The following PALS1 variants were observed in gnomAD, a reference collection of about 807,000 sequenced individuals.
PALS1 encodes protein associated with LIN7 1, MAGUK p55 family member.
A neutral mutation model predicts 78.9 loss-of-function variants in PALS1; 31 were observed. The observed-to-expected ratio is 0.39, with a 90% confidence interval of 0.30 to 0.53. PALS1 has a LOEUF of 0.53. Among genes scored for constraint, PALS1 ranks in the 20% least tolerant of loss-of-function variants. PALS1 has a pLI of 0.67. For synonymous variants in PALS1, 276 were observed against 270.9 expected (o/e 1.02, Z -0.18); for missense variants, 704 against 826.5 (o/e 0.85, Z 1.82).
In PALS1 at chr14:67,312,511, C is replaced by A; in HGVS notation, c.1042-16C>A. 1.3e-6 allele frequency: 2 copies of A among 1,492,064 alleles called. No homozygotes were observed. The highest frequency in any genetic ancestry group is 1.8e-6 in the Non-Finnish European group (2 of 1,113,474). 92.4% of individuals were successfully genotyped at this position (1,492,064 alleles called of 1,614,324 possible). On this transcript the variant is annotated splice_polypyrimidine_tract_variant and intron_variant, in intron 8 of 14. Transcript: ENST00000261681. ...TATTGCCATTTATTGTTGTTTTTGC[C>A]CTTTTTATCTTTTAGATCCATGTAA...
At chr14:67,248,212 A>T (rs2084015236) in intron 1 of PALS1, among the ~76,000 whole-genome samples, 1 of 152,180 alleles carries the variant, frequency 6.6e-6, no homozygotes, top group Non-Finnish European at 1.5e-5. Context: ...TTTAAAAACT[A>T]ATATACATTA....
chr14:67,253,650 G>T (rs914307801), intron 1 of PALS1, among the ~76,000 whole-genome samples: 1 of 152,056 alleles, frequency 6.6e-6, no homozygotes, highest in South Asian at 2.1e-4. Flanking sequence ...TTCCAGACCC[G>T]CCTAGACAAC....
chr14:67,324,951 C>T (rs975808582), intron 14 of PALS1, among the ~76,000 whole-genome samples: 1 of 135,782 alleles, frequency 7.4e-6, no homozygotes, highest in Non-Finnish European at 1.5e-5. Flanking sequence ...GTCACCCAGG[C>T]TGGAGTGCAG....
intron 1 of PALS1, among the ~76,000 whole-genome samples, chr14:67,242,475 A>G (rs1245478399): frequency 1.3e-5 from 2 of 152,356 alleles, no homozygotes; most frequent in East Asian, 3.9e-4. Context: ...TGTTTTAATG[A>G]TAGTTTACTA....
chr14:67,244,296 A>G (rs997454413), intron 1 of PALS1, among the ~76,000 whole-genome samples: 1 of 152,166 alleles, frequency 6.6e-6, no homozygotes, highest in Admixed American at 6.5e-5. Flanking sequence ...TAATAGGTTG[A>G]TATGTGTTTT....
At chr14:67,303,941 T>C in intron 8 of PALS1, 1 of 216,860 alleles carries the variant, frequency 4.6e-6, no homozygotes, top group South Asian at 7.3e-5. Context: ...CTGATTTTTG[T>C]ATTTTTGGTA....
chr14:67,306,297 T>G (rs916434898), intron 8 of PALS1, among the ~76,000 whole-genome samples: 3 of 151,652 alleles, frequency 2.0e-5, no homozygotes, highest in Admixed American at 2.0e-4. Context: ...TAGGGATCTT[T>G]TCAGAATAGA....
chr14:67,297,114 AAAT>A (rs1465450991), intron 4 of PALS1, among the ~76,000 whole-genome samples: 1 of 152,254 alleles, frequency 6.6e-6, no homozygotes, highest in South Asian at 2.1e-4. Flanking sequence ...AAAAAAAGAA[AAAT>A]AATAATACCA....
intron 2 of PALS1, 132 bp downstream of exon 2, chr14:67,269,915 T>A (rs1281928675): frequency 6.6e-6 from 1 of 152,282 alleles, no homozygotes; most frequent in Non-Finnish European, 1.5e-5. Context: ...TCCCAGCTGC[T>A]GGTCAAAGGG....
intron 13 of PALS1, among the ~76,000 whole-genome samples, chr14:67,323,201 G>GTA (rs894770144): frequency 1.1e-4 from 16 of 146,746 alleles, no homozygotes; most frequent in East Asian, 2.0e-4. Context: ...TATTATATGT[G>GTA]TATATATATA....
chr14:67,268,599 A>G (rs2140561314), intron 1 of PALS1, among the ~76,000 whole-genome samples: 1 of 152,332 alleles, frequency 6.6e-6, no homozygotes, highest in East Asian at 1.9e-4. Flanking sequence ...ATATAGGGTG[A>G]CTTCCTAACG....
At chr14:67,280,845 TTCCTTCCTTCCCTCCCTCCCTCCC>T (rs1192206649) in intron 3 of PALS1, among the ~76,000 whole-genome samples, 1 of 113,322 alleles carries the variant, frequency 8.8e-6, no homozygotes, top group South Asian at 2.7e-4. Context: ...CCTTCCTTCC[TTCCTTCCTTCCCTCCCTCCCTCCC>T]TCCCTCCCTC....
intron 3 of PALS1, among the ~76,000 whole-genome samples, chr14:67,282,550 G>C (rs112745772): frequency 0.012 from 1,826 of 152,192 alleles, 37 homozygotes; most frequent in African/African-American, 0.041. Flanking sequence ...GATAATAAAA[G>C]TACAGGGATG....
intron 8 of PALS1, among the ~76,000 whole-genome samples, chr14:67,309,046 C>T (rs917447345): frequency 2.0e-5 from 3 of 152,000 alleles, no homozygotes; most frequent in African/African-American, 7.3e-5. Context: ...AAGATAATTG[C>T]GTCCAAACAG....
chr14:67,255,450 G>T (rs138857319), intron 1 of PALS1, among the ~76,000 whole-genome samples: 82 of 152,136 alleles, frequency 5.4e-4, no homozygotes, highest in African/African-American at 1.9e-3. Context: ...TTGGTAAACT[G>T]CTTTCTTACA....
At chr14:67,301,562 T>A in intron 5 of PALS1, 96 bp downstream of exon 5, 1 of 706,092 alleles carries the variant, frequency 1.4e-6, no homozygotes, top group Non-Finnish European at 2.3e-6. Context: ...TGTCAAACAT[T>A]CTCTAGCCTA....
chr14:67,331,228 A>T (rs1198547427), intron 14 of PALS1, among the ~76,000 whole-genome samples: 2 of 152,092 alleles, frequency 1.3e-5, no homozygotes, highest in East Asian at 3.9e-4. Context: ...TATTTTTAAT[A>T]GAGACGGGGT....
chr14:67,280,856 C>CTT (rs71129815), intron 3 of PALS1, among the ~76,000 whole-genome samples: 101 of 132,314 alleles, frequency 7.6e-4, no homozygotes, highest in African/African-American at 9.9e-4. Flanking sequence ...TCCTTCCTTC[C>CTT]CTCCCTCCCT....
At chr14:67,278,067 C>T (rs2084534806) in intron 2 of PALS1, among the ~76,000 whole-genome samples, 3 of 146,184 alleles carry the variant, frequency 2.1e-5, no homozygotes, top group Middle Eastern at 3.6e-3. Context: ...GATGGAGTCT[C>T]GCTCTGTCAC....
Sources: allele counts gnomAD v4.1 joint callset (sites outside exome capture counted in the v4.1 genomes callset), GRCh38; gene constraint gnomAD v4.1.1; transcripts MANE v1.5; gene names NCBI Gene and HGNC (gene_info 2026-07-23, HGNC 2026-07-21).